The following SPPL2A variants were observed in gnomAD, a reference collection of about 807,000 sequenced individuals.
SPPL2A encodes signal peptide peptidase-like 2A.
Under a neutral mutation model 63.8 loss-of-function variants are expected in SPPL2A, and 51 were observed. The observed-to-expected ratio is 0.80, with a 90% CI of 0.64 to 1.01. SPPL2A has a LOEUF of 1.01. Among genes scored for constraint, SPPL2A ranks in the 50% least tolerant of loss-of-function variants. The pLI is 0.00. For missense variants in SPPL2A, 553 were observed against 622.7 expected (o/e 0.89, Z 1.19); for synonymous variants, 188 against 205.8 (o/e 0.91, Z 0.74).
rs375381883 is a variant in SPPL2A at position 50,736,511 on chromosome 15, CTTAAAT to C, written c.830+127_830+132del. ...CAATTTTTAATTTTATTTAATTTTACTTAAATTTAAATTTAAACACCTGTAGGTCCA... is the reference window on the plus strand; with the variant it reads ...CAATTTTTAATTTTATTTAATTTTACTTAAATTTAAACACCTGTAGGTCCA... On this transcript the variant is annotated intron_variant, in intron 7 of 14. Coordinates refer to ENST00000261854, the MANE Select transcript of SPPL2A (RefSeq NM_032802.4). 740 of 546,002 alleles carry C rather than the reference CTTAAAT, an allele frequency of 1.4e-3. 7 individuals carry two copies. The highest frequency in any genetic ancestry group is 0.012 in the African/African-American group (640 of 51,884). The allele number at this position is 546,002 out of a possible 1,614,324, so 33.8% of individuals were successfully genotyped here. A position where few individuals can be genotyped will look rare whatever the true frequency, so the allele number is the denominator to read the frequency against.
At chr15:50,754,294 T>C (rs928321418) in intron 1 of SPPL2A, among the ~76,000 whole-genome samples, 11 of 152,292 alleles carry the variant, frequency 7.2e-5, no homozygotes, top group African/African-American at 2.4e-4. Flanking sequence ...CCAAAGCTCA[T>C]AGTTTACATT....
At chr15:50,740,897 C>T (rs183426108) in intron 5 of SPPL2A, among the ~76,000 whole-genome samples, 12 of 152,124 alleles carry the variant, frequency 7.9e-5, no homozygotes, top group Admixed American at 3.3e-4. Context: ...TGTGAGCCAC[C>T]GCACCCAGCC....
intron 1 of SPPL2A, among the ~76,000 whole-genome samples, chr15:50,761,872 CA>C (rs1324500805): frequency 2.0e-5 from 3 of 151,756 alleles, no homozygotes; most frequent in Non-Finnish European, 4.4e-5. Flanking sequence ...GCAGAGGTTG[CA>C]GTGAGCCGAG....
At chr15:50,747,649 T>C in intron 4 of SPPL2A, 21 bp from the exon 5 acceptor site, 1 of 1,574,870 alleles carries the variant, frequency 6.3e-7, no homozygotes, top group Non-Finnish European at 8.7e-7. Context: ...AAATAACAGT[T>C]AAACACAGGA....
chr15:50,737,380 T>C (rs1355777701), intron 6 of SPPL2A, among the ~76,000 whole-genome samples: 1 of 152,250 alleles, frequency 6.6e-6, no homozygotes, highest in African/African-American at 2.4e-5. Context: ...ATCACCTGTT[T>C]GATGCCAACA....
intron 1 of SPPL2A, among the ~76,000 whole-genome samples, chr15:50,756,719 C>T (rs539664639): frequency 8.5e-5 from 13 of 152,178 alleles, no homozygotes; most frequent in African/African-American, 2.9e-4. Context: ...GACCCCATAT[C>T]AATTGACAAA....
rs541824352 is a variant in SPPL2A at position 50,720,386 on chromosome 15, G to A, written c.1328-286C>T. 6.2e-3 allele frequency among the ~76,000 whole-genome samples: 902 copies of A among 146,298 alleles called. 14 individuals are homozygous for A. Among genetic ancestry groups the A allele is most frequent in the African/African-American group, 0.021 (867 of 41,268 alleles). On this transcript the variant is annotated intron_variant, in intron 13 of 14. Transcript: ENST00000261854. ...TCAATTATCTGTTGCTATTAAAGAT[G>A]TTAAATAGTTTCATATTTTAGATAA... is the stretch of plus-strand genomic sequence containing the variant.
chr15:50,743,972 C>G (rs12912994), intron 5 of SPPL2A, among the ~76,000 whole-genome samples: 1 of 151,588 alleles, frequency 6.6e-6, no homozygotes, highest in African/African-American at 2.4e-5. Context: ...GTCAGGAGTT[C>G]GAGACCAACC....
intron 2 of SPPL2A, 104 bp from the exon 3 acceptor site, chr15:50,748,974 T>A (rs940281681): frequency 4.8e-6 from 3 of 620,280 alleles, no homozygotes; most frequent in Non-Finnish European, 7.8e-6. Context: ...TTTAAGACAA[T>A]ATCTTTTGAA....
chr15:50,713,350 C>T (rs1215967172), intron 14 of SPPL2A, among the ~76,000 whole-genome samples: 1 of 150,648 alleles, frequency 6.6e-6, no homozygotes, highest in Non-Finnish European at 1.5e-5. Flanking sequence ...CTGCAAGCTC[C>T]GCCTCCCAGG....
intron 14 of SPPL2A, among the ~76,000 whole-genome samples, chr15:50,716,417 A>G (rs530742355): frequency 1.3e-5 from 2 of 149,258 alleles, no homozygotes; most frequent in Non-Finnish European, 3.0e-5. Flanking sequence ...CTGGTCTCAA[A>G]CTCCTGACCC....
chr15:50,756,488 G>A (rs999733107), intron 1 of SPPL2A, among the ~76,000 whole-genome samples: 1 of 151,864 alleles, frequency 6.6e-6, no homozygotes, highest in African/African-American at 2.4e-5. Context: ...TTAGAGACAT[G>A]CTCCAGAATG....
intron 12 of SPPL2A, among the ~76,000 whole-genome samples, chr15:50,722,462 CTT>C (rs577687534): frequency 6.8e-6 from 1 of 147,528 alleles, no homozygotes; most frequent in East Asian, 2.0e-4. Context: ...ATGAAGAAAA[CTT>C]TTTTTTTTTT....
At chr15:50,721,998 A>C (rs1276678066) in intron 13 of SPPL2A, 126 bp downstream of exon 13, 1 of 580,964 alleles carries the variant, frequency 1.7e-6, no homozygotes, top group Non-Finnish European at 3.1e-6. Context: ...CTTGGCCCCC[A>C]AAGTGCTAGG....
intron 14 of SPPL2A, among the ~76,000 whole-genome samples, chr15:50,715,894 T>A (rs1467547525): frequency 6.6e-6 from 1 of 152,098 alleles, no homozygotes; most frequent in Non-Finnish European, 1.5e-5. Context: ...TGAAAATACC[T>A]TAAGAGAAAT....
At chr15:50,713,390 G>A (rs1384732722) in intron 14 of SPPL2A, among the ~76,000 whole-genome samples, 1 of 150,818 alleles carries the variant, frequency 6.6e-6, no homozygotes, top group Non-Finnish European at 1.5e-5. Context: ...TCAGCCTTCC[G>A]AGTAGCTGGG....
intron 10 of SPPL2A, among the ~76,000 whole-genome samples, chr15:50,729,445 C>A (rs891893668): frequency 6.6e-6 from 1 of 152,096 alleles, no homozygotes; most frequent in African/African-American, 2.4e-5. Context: ...TATGGTAAAA[C>A]CCCATCTCTA....
chr15:50,736,592 G>T, intron 7 of SPPL2A, 52 bp downstream of exon 7: 1 of 1,073,162 alleles, frequency 9.3e-7, no homozygotes, highest in Non-Finnish European at 1.4e-6. Context: ...CTTTTGTATT[G>T]TTTCAAATTA....
chr15:50,726,123 C>A (rs1485897432), intron 11 of SPPL2A, 198 bp downstream of exon 11: 1 of 1,517,052 alleles, frequency 6.6e-7, no homozygotes, highest in African/African-American at 1.4e-5. Flanking sequence ...AAGTTTCCAT[C>A]ATTCTAGGAT....
Sources: allele counts gnomAD v4.1 joint callset (sites outside exome capture counted in the v4.1 genomes callset), GRCh38; gene constraint gnomAD v4.1.1; transcripts MANE v1.5; gene names NCBI Gene and HGNC (gene_info 2026-07-23, HGNC 2026-07-21).